ZNF676: variants seen among roughly 807,000 people sequenced by gnomAD.
ZNF676 encodes zinc finger protein 676.
In ZNF676, 4 loss-of-function variants were observed where a neutral mutation model predicts 6.0. That is an observed-to-expected ratio of 0.67 (90% CI 0.33 to 1.53). The LOEUF (loss-of-function observed/expected upper bound fraction) is 1.53, where lower values mean the gene tolerates loss of function less well. ZNF676 is among the 40% of genes most tolerant of loss of function. The pLI is 0.06. For missense variants in ZNF676, 644 were observed against 679.7 expected (o/e 0.95, Z 0.58); for synonymous variants, 198 against 223.1 (o/e 0.89, Z 1.00).
At chr19:22,218,500 A>G (rs888387485), upstream of ZNF676, among the ~76,000 whole-genome samples, 1 of 136,152 alleles carries the variant, frequency 7.3e-6, no homozygotes, top group South Asian at 2.4e-4. Context: ...ACCCAGCTAA[A>G]TTTTTTTTTT....
chr19:22,225,625 A>G, the ZNF676 span, among the ~76,000 whole-genome samples: 1 of 152,284 alleles, frequency 6.6e-6, no homozygotes, highest in African/African-American at 2.4e-5. Flanking sequence ...TTCTTAAAAA[A>G]TTGATAGTGG....
the ZNF676 span, among the ~76,000 whole-genome samples, chr19:22,234,195 G>T: frequency 1.3e-5 from 2 of 152,126 alleles, no homozygotes; most frequent in African/African-American, 2.4e-5. Flanking sequence ...GCCACAGCTG[G>T]GTCCACTTTC....
At chr19:22,217,502 C>T (rs1211205565), upstream of ZNF676, among the ~76,000 whole-genome samples, 1 of 151,698 alleles carries the variant, frequency 6.6e-6, no homozygotes, top group African/African-American at 2.4e-5. Context: ...GTGCCCATCC[C>T]CATTACATAA....
At position 22,179,780 on chromosome 19, in the gene ZNF676, G is replaced by T; in HGVS notation, c.*170C>A. On this transcript the variant is annotated 3_prime_UTR_variant, in exon 3 of 3. Transcript: ENST00000397121. Reference sequence around the variant, plus strand: ...TTGAAGCCTTTGTCACATTCTTCACGTTTGTAGTGTTTCTCTCCAGCATGA... The same window carrying T: ...TTGAAGCCTTTGTCACATTCTTCACTTTTGTAGTGTTTCTCTCCAGCATGA... 5 of 820,764 alleles carry T rather than the reference G, an allele frequency of 6.1e-6. No individual in the cohort carries two copies. Among genetic ancestry groups the T allele is most frequent in the Non-Finnish European group, 8.2e-6 (4 of 488,628 alleles). 50.8% of individuals were successfully genotyped at this position (820,764 alleles called of 1,614,324 possible). A position where few individuals can be genotyped will look rare whatever the true frequency, so the allele number is the denominator to read the frequency against.
At chr19:22,207,442 A>G (rs1462275832) in intron 1 of ZNF676, among the ~76,000 whole-genome samples, 1 of 152,236 alleles carries the variant, frequency 6.6e-6, no homozygotes. Flanking sequence ...AAGAAGCCAG[A>G]GATGACACAA....
chr19:22,188,375 T>C (rs1426633877), intron 2 of ZNF676, among the ~76,000 whole-genome samples: 1 of 151,918 alleles, frequency 6.6e-6, no homozygotes, highest in African/African-American at 2.4e-5. Context: ...AATAATAAGA[T>C]GTATTTATGA....
intron 2 of ZNF676, among the ~76,000 whole-genome samples, chr19:22,183,062 T>C (rs2023783003): frequency 6.6e-6 from 1 of 152,076 alleles, no homozygotes; most frequent in African/African-American, 2.4e-5. Flanking sequence ...TTTCACCTGA[T>C]TAAAATATAT....
chr19:22,224,864 G>A, the ZNF676 span, among the ~76,000 whole-genome samples: 1 of 152,136 alleles, frequency 6.6e-6, no homozygotes, highest in Non-Finnish European at 1.5e-5. Flanking sequence ...CCATGGTGGT[G>A]TGCACCTGTG....
chr19:22,212,403 T>C (rs1269034748), intron 1 of ZNF676, among the ~76,000 whole-genome samples: 6 of 151,468 alleles, frequency 4.0e-5, no homozygotes, highest in African/African-American at 1.5e-4. Flanking sequence ...CAATTTACAG[T>C]TAAAAAACTG....
Position 22,180,537 on chromosome 19 carries a change from T to G in ZNF676, c.1180A>C (p.Lys394Gln), listed in dbSNP as rs1303517499. 1.2e-6 allele frequency: 2 copies of G among 1,611,664 alleles called. No individual in the cohort carries two copies. Among genetic ancestry groups the G allele is most frequent in the African/African-American group, 2.7e-5 (2 of 74,320 alleles). ...KAIHAEEKPY[K>Q]CEECGKASNS... ...GAAGCTTTGCCACATTCTTCACATT[T>G]GTAGGGCTTCTCTTCAGCATGAATT... Residue 394 changes from lysine to glutamine, a missense_variant, in exon 3 of 3, where the codon AAA (lysine) becomes CAA (glutamine). This residue lies in a region of ZNF676 where 306 missense variants were observed against 265.4 expected (regional missense o/e 1.15). Coordinates refer to ENST00000397121, the MANE Select transcript of ZNF676 (RefSeq NM_001001411.3).
At chr19:22,187,130 C>T (rs1276427689) in intron 2 of ZNF676, among the ~76,000 whole-genome samples, 1 of 152,130 alleles carries the variant, frequency 6.6e-6, no homozygotes, top group Non-Finnish European at 1.5e-5. Context: ...GTAAAACAGT[C>T]CTCAGCAAAA....
chr19:22,207,900 C>T (rs2024091654), intron 1 of ZNF676, among the ~76,000 whole-genome samples: 4 of 151,126 alleles, frequency 2.6e-5, no homozygotes, highest in Non-Finnish European at 5.9e-5. Context: ...ATGTAGCAGA[C>T]TGAAACTGGA....
At position 22,181,142 on chromosome 19, in the gene ZNF676, G is replaced by C. The variant is rs1265371624; in HGVS notation, c.575C>G (p.Thr192Ser). 3.1e-6 allele frequency: 5 copies of C among 1,613,926 alleles called. No individual in the cohort carries two copies. Among genetic ancestry groups the C allele is most frequent in the Non-Finnish European group, 4.2e-6 (5 of 1,179,942 alleles). The part of the protein sequence containing the change: ...STLTYYKSIH[T>S]GEKPYKCEEC... ...TTCACATTTGTAGGGTTTCTCTCCA[G>C]TATGAATACTCTTATAATAAGTAAG... Residue 192 changes from threonine to serine, a missense_variant, in exon 3 of 3, where the codon ACT becomes AGT. Transcript: ENST00000397121.
chr19:22,235,005 AAAGAAAGAAAGAAAGAAAG>A, the ZNF676 span, among the ~76,000 whole-genome samples: 3 of 121,876 alleles, frequency 2.5e-5, no homozygotes, highest in African/African-American at 6.6e-5. Flanking sequence ...AGAAAGAAAG[AAAGAAAGAAAGAAAGAAAG>A]AAAGAAAGAA....
the ZNF676 span, among the ~76,000 whole-genome samples, chr19:22,221,472 C>G: frequency 6.6e-6 from 1 of 152,122 alleles, no homozygotes; most frequent in Non-Finnish European, 1.5e-5. Context: ...TATTCAGGGG[C>G]TGGGCATGGT....
At chr19:22,228,078 T>TG in the ZNF676 span, among the ~76,000 whole-genome samples, 60 of 152,324 alleles carry the variant, frequency 3.9e-4, 1 homozygote, top group African/African-American at 1.3e-3. Context: ...CCAATATCCC[T>TG]GATGAACATT....
upstream of ZNF676, among the ~76,000 whole-genome samples, chr19:22,199,911 T>G (rs1207971196): frequency 1.3e-5 from 2 of 152,156 alleles, no homozygotes; most frequent in African/African-American, 4.8e-5. Context: ...CTTTTAAGTC[T>G]CAGAAAATGT....
rs756351786 is a variant in ZNF676, at chr19:22,179,288, T to C, written c.*662A>G. 15 of 167,146 alleles carry C rather than the reference T, an allele frequency of 9.0e-5. No homozygotes were observed. Among genetic ancestry groups the C allele is most frequent in the Non-Finnish European group, 1.7e-4 (13 of 75,694 alleles). The allele number at this position is 167,146 out of a possible 1,614,324, so 10.4% of individuals were successfully genotyped here. Reference sequence around the variant, plus strand: ...TCACATCTTTCAGGTTTGTAGAGTCTCTCATGTATGAATTAGCCTATGTTT... The same window carrying C: ...TCACATCTTTCAGGTTTGTAGAGTCCCTCATGTATGAATTAGCCTATGTTT... On this transcript the variant is annotated 3_prime_UTR_variant, in exon 3 of 3. Coordinates refer to ENST00000397121, the MANE Select transcript of ZNF676 (RefSeq NM_001001411.3).
the ZNF676 span, among the ~76,000 whole-genome samples, chr19:22,224,427 T>C: frequency 2.6e-4 from 37 of 139,940 alleles, no homozygotes; most frequent in South Asian, 1.1e-3. Context: ...TAAATATGAC[T>C]CCAATTATGG....
Sources: allele counts gnomAD v4.1 joint callset (sites outside exome capture counted in the v4.1 genomes callset), GRCh38; gene constraint gnomAD v4.1.1; regional missense constraint gnomAD v4.1.1; transcripts MANE v1.5; gene names NCBI Gene and HGNC (gene_info 2026-07-23, HGNC 2026-07-21).